Variants in CHD7 observed in about 807,000 individuals in gnomAD.
CHD7 encodes the protein ATP-dependent chromatin remodeler CHD7.
CHD7 carries 24 observed loss-of-function variants against 307.3 expected under a neutral mutation model. The observed-to-expected ratio is 0.08, with a 90% CI of 0.06 to 0.11. The LOEUF (loss-of-function observed/expected upper bound fraction) is 0.11, where lower values mean the gene tolerates loss of function less well. CHD7 is among the 10% of genes least tolerant of loss of function. The pLI, the probability that CHD7 is intolerant of heterozygous loss-of-function variation, is 1.00. For synonymous variants in CHD7, 1,363 were observed against 1,349.9 expected (o/e 1.01, Z -0.21); for missense variants, 3,106 against 3,727.1 (o/e 0.83, Z 4.34).
chr8:60,730,327 G>A (rs1808378978), intron 1 of CHD7, among the ~76,000 whole-genome samples: 2 of 152,186 alleles, frequency 1.3e-5, no homozygotes. Flanking sequence ...AGAGTTTGTG[G>A]ATAAAACTTT....
chr8:60,692,621 A>G (rs1328644727), intron 1 of CHD7, among the ~76,000 whole-genome samples: 1 of 152,208 alleles, frequency 6.6e-6, no homozygotes, highest in African/African-American at 2.4e-5. Flanking sequence ...TATGAAAGGC[A>G]TAAAGGAAGC....
At position 60,865,945 on chromosome 8, in the gene CHD7, TC is replaced by T. The variant is rs988679488; in HGVS notation, c.*14del. 7 of 1,584,102 alleles carry T rather than the reference TC, an allele frequency of 4.4e-6. No homozygotes were observed. Among genetic ancestry groups the T allele is most frequent in the Non-Finnish European group, 6.0e-6 (7 of 1,164,372 alleles). ...AAAATGATGAATAACCAGTACCAGT[TC>T]CAGTTCAAGTGTTTAAAACTTTTGA... On this transcript the variant is annotated 3_prime_UTR_variant, in exon 38 of 38. Coordinates refer to ENST00000423902, the MANE Select transcript of CHD7 (RefSeq NM_017780.4). This position sits in a 1 kb window ranked among gnomAD's most constrained non-coding sequence, Gnocchi z 4.3.
chr8:60,816,714 T>A (rs4737565), intron 8 of CHD7, among the ~76,000 whole-genome samples: 1 of 152,074 alleles, frequency 6.6e-6, no homozygotes, highest in African/African-American at 2.4e-5. Flanking sequence ...CCTTATGATA[T>A]TATGTGGAAA....
chr8:60,776,085 T>C (rs780165620), intron 2 of CHD7, among the ~76,000 whole-genome samples: 2 of 152,236 alleles, frequency 1.3e-5, no homozygotes, highest in African/African-American at 2.4e-5. Flanking sequence ...TAAACTCATG[T>C]TACCTGAGAC....
intron 15 of CHD7, among the ~76,000 whole-genome samples, chr8:60,833,045 A>G (rs1350283044): frequency 6.6e-6 from 1 of 152,234 alleles, no homozygotes; most frequent in Non-Finnish European, 1.5e-5. Context: ...ACTTACGCAG[A>G]CATTGTATTG....
chr8:60,739,360 C>G (rs1415638821), intron 1 of CHD7, among the ~76,000 whole-genome samples: 1 of 152,160 alleles, frequency 6.6e-6, no homozygotes, highest in Non-Finnish European at 1.5e-5. Flanking sequence ...TTAGAATGAG[C>G]CTTGAATAAA....
chr8:60,806,638 TA>T (rs1812549479), intron 6 of CHD7, among the ~76,000 whole-genome samples: 1 of 152,224 alleles, frequency 6.6e-6, no homozygotes. Context: ...AACCAGATAT[TA>T]ATAGATATTG....
chr8:60,743,369 C>T (rs976951821), intron 2 of CHD7, among the ~76,000 whole-genome samples: 7 of 152,208 alleles, frequency 4.6e-5, no homozygotes, highest in Non-Finnish European at 8.8e-5. Flanking sequence ...GGACAGAGGA[C>T]TCAGAATGCT....
intron 2 of CHD7, among the ~76,000 whole-genome samples, chr8:60,768,148 T>G (rs1810559107): frequency 6.6e-6 from 1 of 152,204 alleles, no homozygotes; most frequent in Non-Finnish European, 1.5e-5. Context: ...TCTGAAATCA[T>G]TTTTACTTCC....
chr8:60,828,393 G>C (rs1217173831), intron 13 of CHD7, among the ~76,000 whole-genome samples: 1 of 152,102 alleles, frequency 6.6e-6, no homozygotes, highest in African/African-American at 2.4e-5. Context: ...AAAAAGCCGT[G>C]ATACTAAAAT....
chr8:60,822,464 A>G (rs781057752), intron 11 of CHD7, 39 bp from the exon 12 acceptor site: 24 of 1,599,650 alleles, frequency 1.5e-5, no homozygotes, highest in Non-Finnish European at 1.6e-5. Flanking sequence ...TGTCATATCC[A>G]TACTCATTAA....
chr8:60,799,311 A>T (rs1812185027), intron 4 of CHD7, among the ~76,000 whole-genome samples: 1 of 152,254 alleles, frequency 6.6e-6, no homozygotes, highest in Admixed American at 6.5e-5. Context: ...TTTGATAGAT[A>T]GGACCACATT....
chr8:60,749,370 CAAAAAAA>C (rs55661758), intron 2 of CHD7, among the ~76,000 whole-genome samples: 71 of 56,304 alleles, frequency 1.3e-3, no homozygotes, highest in Non-Finnish European at 1.7e-3. Flanking sequence ...GACTCTGTAT[CAAAAAAA>C]AAAAAAAAAA....
At chr8:60,791,230 G>C (rs117330838) in intron 3 of CHD7, among the ~76,000 whole-genome samples, 2,891 of 152,264 alleles carry the variant, frequency 0.019, 46 homozygotes, top group Non-Finnish European at 0.026. Context: ...TTTAGGAGAG[G>C]AATGAGGGCA....
At chr8:60,837,607 TG>T in intron 17 of CHD7, 60 bp from the exon 18 acceptor site, 9 of 1,368,042 alleles carry the variant, frequency 6.6e-6, no homozygotes, top group Non-Finnish European at 5.9e-6. Context: ...CATATGAATT[TG>T]GTGGGGAGAC....
chr8:60,799,095 TAC>T (rs1460607291), intron 4 of CHD7, among the ~76,000 whole-genome samples: 2 of 152,250 alleles, frequency 1.3e-5, no homozygotes, highest in African/African-American at 2.4e-5. Flanking sequence ...AAACAAGATA[TAC>T]AGTCTTTTTG....
At chr8:60,717,154 T>C (rs1807651933) in intron 1 of CHD7, among the ~76,000 whole-genome samples, 1 of 152,170 alleles carries the variant, frequency 6.6e-6, no homozygotes, top group South Asian at 2.1e-4. Context: ...CTTTGATCAC[T>C]TGGTAAAGGT....
At chr8:60,815,244 A>G (rs74573813) in intron 7 of CHD7, among the ~76,000 whole-genome samples, 2,083 of 152,296 alleles carry the variant, frequency 0.014, 50 homozygotes, top group African/African-American at 0.048. Flanking sequence ...CATTTCCTAT[A>G]TCATGAATCA....
intron 4 of CHD7, among the ~76,000 whole-genome samples, chr8:60,798,249 C>T (rs1812122005): frequency 6.6e-6 from 1 of 152,206 alleles, no homozygotes; most frequent in Admixed American, 6.5e-5. Context: ...AGTGCCAAAG[C>T]TTTGTCCTGT....
Sources: allele counts gnomAD v4.1 joint callset (sites outside exome capture counted in the v4.1 genomes callset), GRCh38; gene constraint gnomAD v4.1.1; non-coding constraint Gnocchi (gnomAD v3.1); transcripts MANE v1.5; gene names NCBI Gene and HGNC (gene_info 2026-07-23, HGNC 2026-07-21).